Variants in PRR5L observed in about 807,000 individuals in gnomAD.
PRR5L encodes proline-rich protein 5-like.
PRR5L carries 21 observed loss-of-function variants against 36.4 expected under a neutral mutation model. That is an observed-to-expected ratio of 0.58 (90% CI 0.41 to 0.83). PRR5L has a LOEUF of 0.83. Among genes scored for constraint, PRR5L ranks in the 40% least tolerant of loss-of-function variants. The pLI is 0.00. For missense variants in PRR5L, 381 were observed against 473.3 expected, an observed-to-expected ratio of 0.80 and a Z score of 1.81; for synonymous variants, 188 against 197.0, an observed-to-expected ratio of 0.95 and a Z score of 0.38.
chr11:36,335,208 G>A (rs1047904384), intron 1 of PRR5L, among the ~76,000 whole-genome samples: 3 of 152,032 alleles, frequency 2.0e-5, no homozygotes, highest in Admixed American at 1.3e-4. Flanking sequence ...GAAACTACAG[G>A]TGCACGCCAT....
chr11:36,311,882 A>G (rs906786168), intron 1 of PRR5L, among the ~76,000 whole-genome samples: 6 of 152,222 alleles, frequency 3.9e-5, no homozygotes, highest in Admixed American at 2.0e-4. Flanking sequence ...GTTTGGTAAT[A>G]TGGGAAAGAT....
intron 1 of PRR5L, 63 bp from the exon 2 acceptor site, chr11:36,400,934 A>C: frequency 1.5e-6 from 2 of 1,308,966 alleles, no homozygotes; most frequent in South Asian, 4.0e-5. Context: ...AGTCCCAGCC[A>C]ACTTCCTCTA....
intron 1 of PRR5L, among the ~76,000 whole-genome samples, chr11:36,397,067 CTTT>C (rs11300346): frequency 1.5e-5 from 2 of 130,632 alleles, no homozygotes; most frequent in African/African-American, 2.8e-5. Context: ...GTTTTCTTTT[CTTT>C]TTTTTTTTTT....
chr11:36,364,369 A>C (rs1158173972), intron 1 of PRR5L, among the ~76,000 whole-genome samples: 1 of 152,194 alleles, frequency 6.6e-6, no homozygotes, highest in Non-Finnish European at 1.5e-5. Context: ...GAATGAATTT[A>C]GTAAAGAGGT....
intron 1 of PRR5L, among the ~76,000 whole-genome samples, chr11:36,362,609 T>A (rs2114136): frequency 0.064 from 9,757 of 152,198 alleles, 353 homozygotes; most frequent in Middle Eastern, 0.085. Context: ...GCCTGCTGTT[T>A]CTGTTTGAAA....
chr11:36,444,498 C>T (rs1858787267), intron 6 of PRR5L, among the ~76,000 whole-genome samples: 2 of 152,116 alleles, frequency 1.3e-5, no homozygotes, highest in South Asian at 4.1e-4. Flanking sequence ...AATATAAATA[C>T]AAAACCAAAA....
chr11:36,356,364 G>A (rs998992235), intron 1 of PRR5L, among the ~76,000 whole-genome samples: 9 of 152,154 alleles, frequency 5.9e-5, no homozygotes, highest in African/African-American at 2.2e-4. Flanking sequence ...CTGAGTGGGT[G>A]GTTTCTGTAA....
intron 8 of PRR5L, among the ~76,000 whole-genome samples, chr11:36,457,212 G>T (rs1394167757): frequency 6.6e-6 from 1 of 152,202 alleles, no homozygotes; most frequent in East Asian, 1.9e-4. Context: ...TCTGGTCCCA[G>T]CCTTTCTTCC....
intron 1 of PRR5L, among the ~76,000 whole-genome samples, chr11:36,365,552 C>T (rs1296670074): frequency 6.6e-6 from 1 of 152,094 alleles, no homozygotes; most frequent in East Asian, 1.9e-4. Flanking sequence ...TATACGACTG[C>T]ATTTTACAGT....
Position 36,446,009 on chromosome 11 carries a change from TTC to T in PRR5L, c.445-286_445-285del, listed in dbSNP as rs145586755. Reference sequence around the variant, plus strand: ...CTCTTTGTTTCTCCCATCTTTCTCTTTCTCTCCTTCGTGACCACTCATAGCAC... The same window carrying T: ...CTCTTTGTTTCTCCCATCTTTCTCTTTCTCCTTCGTGACCACTCATAGCAC... On this transcript the variant is annotated intron_variant, in intron 6 of 8. Transcript: ENST00000530639. Among the ~76,000 whole-genome samples the T allele has an allele frequency of 1.7e-3, 257 of 152,306 alleles. 1 individual carries two copies. The highest frequency in any genetic ancestry group is 5.8e-3 in the African/African-American group (241 of 41,580).
At chr11:36,402,613 C>T (rs1327180027) in intron 2 of PRR5L, among the ~76,000 whole-genome samples, 1 of 152,156 alleles carries the variant, frequency 6.6e-6, no homozygotes, top group African/African-American at 2.4e-5. Context: ...AGAGGGGGCT[C>T]CAAAATGTTT....
rs547347743 is a variant in PRR5L at position 36,345,467 on chromosome 11, A to T, written c.-126+49029A>T. On this transcript the variant is annotated intron_variant, in intron 1 of 8. Coordinates refer to ENST00000530639, the MANE Select transcript of PRR5L (RefSeq NM_001160167.2). Reference sequence around the variant, plus strand: ...ATTGTGCCCCGTGGATAGCATTTTCAGGAATTCTGTGCATGCCCTGAATTT... The same window carrying T: ...ATTGTGCCCCGTGGATAGCATTTTCTGGAATTCTGTGCATGCCCTGAATTT... Among the ~76,000 whole-genome samples, 5 of 152,298 alleles carry T rather than the reference A, an allele frequency of 3.3e-5. No individual in the cohort carries two copies. The South Asian group carries it at 8.3e-4, about 25-fold the overall frequency.
chr11:36,430,654 A>C (rs1485930444), intron 4 of PRR5L, among the ~76,000 whole-genome samples: 1 of 152,198 alleles, frequency 6.6e-6, no homozygotes, highest in Non-Finnish European at 1.5e-5. Flanking sequence ...ACCAGTGCTG[A>C]TTACTAAGGA....
intron 1 of PRR5L, among the ~76,000 whole-genome samples, chr11:36,366,754 A>G (rs936842619): frequency 2.0e-5 from 3 of 152,220 alleles, no homozygotes; most frequent in Admixed American, 1.3e-4. Flanking sequence ...AGGGTTGTAC[A>G]GTAGGCTTTG....
chr11:36,361,707 C>T (rs1033439684), intron 1 of PRR5L, among the ~76,000 whole-genome samples: 4 of 152,198 alleles, frequency 2.6e-5, no homozygotes, highest in African/African-American at 9.6e-5. Context: ...GGTAAAGAGA[C>T]AACCTTTTTC....
intron 4 of PRR5L, among the ~76,000 whole-genome samples, chr11:36,430,215 G>A (rs1858464518): frequency 1.3e-5 from 2 of 152,110 alleles, no homozygotes; most frequent in Non-Finnish European, 1.5e-5. Flanking sequence ...TTCGAGACCA[G>A]CCTGGCCAAC....
Position 36,398,762 on chromosome 11 carries a change from G to A in PRR5L, c.-125-2235G>A, listed in dbSNP as rs537687745. 6.6e-5 allele frequency: 10 copies of A among 152,388 alleles called. No homozygotes were observed. The South Asian group carries it at 1.9e-3, about 28-fold the overall frequency. 9.4% of individuals were successfully genotyped at this position (152,388 alleles called of 1,614,324 possible). A position where few individuals can be genotyped will look rare whatever the true frequency, so the allele number is the denominator to read the frequency against. On this transcript the variant is annotated intron_variant, in intron 1 of 8. Coordinates refer to ENST00000530639, the MANE Select transcript of PRR5L (RefSeq NM_001160167.2). ...CTAACTGAGAAGTGGACGGGGACAG[G>A]AGCCAGCCTGCGGTCCTCAGTGTCT... is the stretch of plus-strand genomic sequence containing the variant.
At chr11:36,332,028 G>A (rs1338456341) in intron 1 of PRR5L, among the ~76,000 whole-genome samples, 1 of 152,172 alleles carries the variant, frequency 6.6e-6, no homozygotes, top group Non-Finnish European at 1.5e-5. Flanking sequence ...GGATTGTTGT[G>A]AGGATGAAAT....
chr11:36,351,474 CAT>C (rs1856952884), intron 1 of PRR5L, among the ~76,000 whole-genome samples: 1 of 20,478 alleles, frequency 4.9e-5, no homozygotes, highest in Admixed American at 8.8e-4. Context: ...TTTATATATA[CAT>C]ATATATTTAT....
Sources: gnomAD v4.1 joint callset for allele counts (sites outside exome capture counted in the v4.1 genomes callset) on GRCh38, gnomAD v4.1.1 for gene constraint, MANE v1.5 for transcripts, NCBI Gene and HGNC (gene_info 2026-07-23, HGNC 2026-07-21) for gene names.